CYP4X1: variants seen among roughly 807,000 people sequenced by gnomAD.
CYP4X1 encodes cytochrome P450 4X1.
In CYP4X1, 44 loss-of-function variants were observed where a neutral mutation model predicts 57.9. That is an observed-to-expected ratio of 0.76 (90% CI 0.60 to 0.98). The LOEUF is 0.98. CYP4X1 is among the 50% of genes least tolerant of loss of function. The pLI, the probability that CYP4X1 is intolerant of heterozygous loss-of-function variation, is 0.00. For synonymous variants in CYP4X1, 227 were observed against 228.6 expected (o/e 0.99, Z 0.06); for missense variants, 532 against 623.9 (o/e 0.85, Z 1.57).
chr1:47,007,844 T>C, the CYP4X1 span, among the ~76,000 whole-genome samples: 5 of 152,256 alleles, frequency 3.3e-5, no homozygotes, highest in Non-Finnish European at 5.9e-5. Context: ...GAACATCAAA[T>C]GAATGAAATG....
the CYP4X1 span, among the ~76,000 whole-genome samples, chr1:47,016,493 C>G: frequency 6.6e-6 from 1 of 152,062 alleles, no homozygotes; most frequent in Admixed American, 6.6e-5. Context: ...AGGGGCCCAC[C>G]ACCACGCCCA....
At chr1:47,030,463 C>T (rs1557602975) in intron 2 of CYP4X1, among the ~76,000 whole-genome samples, 4 of 152,032 alleles carry the variant, frequency 2.6e-5, no homozygotes, top group Admixed American at 2.0e-4. Context: ...CCCCTGGTCT[C>T]GAGCATAAGT....
chr1:47,049,060 A>G lies in CYP4X1; in HGVS notation c.1273-362A>G, dbSNP rs543041450. Among the ~76,000 whole-genome samples, 49 of 152,340 alleles carry G rather than the reference A, an allele frequency of 3.2e-4. No individual in the cohort carries two copies. In the South Asian group the frequency reaches 5.4e-3, roughly 17 times the overall value. The stretch of plus-strand genomic sequence containing the variant: ...GCAAGGTCTGCAGGTCTGAAGGTAC[A>G]CTGCCCAGTGTAGTAGCCACGGGCC... On this transcript the variant is annotated intron_variant, in intron 10 of 11. Coordinates refer to ENST00000371901, the MANE Select transcript of CYP4X1 (RefSeq NM_178033.2).
chr1:47,010,129 T>C, the CYP4X1 span, among the ~76,000 whole-genome samples: 1 of 152,176 alleles, frequency 6.6e-6, no homozygotes, highest in African/African-American at 2.4e-5. Context: ...TTTAGACCAA[T>C]ATCCCTGATG....
chr1:47,039,274 T>G, intron 7 of CYP4X1, 68 bp from the exon 8 acceptor site: 2 of 1,374,676 alleles, frequency 1.5e-6, no homozygotes, highest in Non-Finnish European at 2.0e-6. Context: ...CAAATCATTA[T>G]TGTGGTTGTA....
chr1:46,969,009 T>C, the CYP4X1 span, among the ~76,000 whole-genome samples: 3 of 152,210 alleles, frequency 2.0e-5, no homozygotes, highest in Admixed American at 2.0e-4. Context: ...GTTGGTCCCC[T>C]CCAAATCTCA....
chr1:47,046,752 G>A, intron 9 of CYP4X1, 152 bp downstream of exon 9: 1 of 1,189,626 alleles, frequency 8.4e-7, no homozygotes, highest in East Asian at 2.5e-5. Context: ...GAGCTCAGAG[G>A]ATAATGCTTT....
At chr1:47,010,020 C>A in the CYP4X1 span, among the ~76,000 whole-genome samples, 1 of 152,142 alleles carries the variant, frequency 6.6e-6, no homozygotes, top group Non-Finnish European at 1.5e-5. Flanking sequence ...GAAACTCTTC[C>A]AATCAATAGA....
the CYP4X1 span, among the ~76,000 whole-genome samples, chr1:46,987,808 C>A: frequency 6.6e-6 from 1 of 152,048 alleles, no homozygotes; most frequent in Admixed American, 6.6e-5. Context: ...AAAATTGAGG[C>A]AGAAACAAAA....
At chr1:47,006,595 G>C in the CYP4X1 span, among the ~76,000 whole-genome samples, 1 of 152,110 alleles carries the variant, frequency 6.6e-6, no homozygotes, top group East Asian at 1.9e-4. Flanking sequence ...CAGGACAGTG[G>C]ATGCAACACA....
chr1:47,008,813 A>T, the CYP4X1 span, among the ~76,000 whole-genome samples: 1 of 152,200 alleles, frequency 6.6e-6, no homozygotes, highest in Non-Finnish European at 1.5e-5. Flanking sequence ...AAAAATCAAA[A>T]GACACAAAGA....
chr1:46,971,075 C>T, the CYP4X1 span, among the ~76,000 whole-genome samples: 33 of 152,210 alleles, frequency 2.2e-4, no homozygotes, highest in East Asian at 4.4e-3. Context: ...ATCCTTAACC[C>T]CCTCCCACTC....
At chr1:47,039,639 T>C in intron 8 of CYP4X1, 107 bp downstream of exon 8, 1 of 741,874 alleles carries the variant, frequency 1.3e-6, no homozygotes, top group Non-Finnish European at 2.0e-6. Flanking sequence ...TATGTGTAGG[T>C]GAAACAGAAG....
the CYP4X1 span, among the ~76,000 whole-genome samples, chr1:47,013,924 A>G: frequency 6.6e-6 from 1 of 151,780 alleles, no homozygotes; most frequent in African/African-American, 2.4e-5. Context: ...ACAGGTATCC[A>G]CCACCATGTC....
intron 4 of CYP4X1, among the ~76,000 whole-genome samples, chr1:47,034,846 G>T (rs182888304): frequency 1.3e-5 from 2 of 151,788 alleles, no homozygotes; most frequent in Non-Finnish European, 2.9e-5. Flanking sequence ...ATTTCTCCGG[G>T]ATTTTTCTCA....
At chr1:46,990,254 T>C in the CYP4X1 span, among the ~76,000 whole-genome samples, 1 of 152,138 alleles carries the variant, frequency 6.6e-6, no homozygotes, top group Non-Finnish European at 1.5e-5. Context: ...TGAACAGACA[T>C]TTGTCAAAAG....
At chr1:46,970,866 C>A in the CYP4X1 span, among the ~76,000 whole-genome samples, 7 of 152,210 alleles carry the variant, frequency 4.6e-5, no homozygotes, top group Non-Finnish European at 8.8e-5. Flanking sequence ...TGTGAAGGCA[C>A]AACTCAGAGA....
At chr1:47,053,821 C>A (rs1197752541), downstream of CYP4X1, among the ~76,000 whole-genome samples, 1 of 152,112 alleles carries the variant, frequency 6.6e-6, no homozygotes, top group Non-Finnish European at 1.5e-5. Context: ...GATATTAGGC[C>A]TTTGTCAGAT....
At chr1:46,975,033 C>T in the CYP4X1 span, among the ~76,000 whole-genome samples, 1 of 152,080 alleles carries the variant, frequency 6.6e-6, no homozygotes, top group Non-Finnish European at 1.5e-5. Flanking sequence ...AGGTATTTAT[C>T]CCCTCAAGCA....
Sources: gnomAD v4.1 joint callset for allele counts (sites outside exome capture counted in the v4.1 genomes callset) on GRCh38, gnomAD v4.1.1 for gene constraint, MANE v1.5 for transcripts, NCBI Gene and HGNC (gene_info 2026-07-23, HGNC 2026-07-21) for gene names.